MTUS2: variants seen among roughly 807,000 people sequenced by gnomAD.
MTUS2 encodes the protein microtubule associated scaffold protein 2, also known as microtubule-associated tumor suppressor candidate 2.
Under a neutral mutation model 114.1 loss-of-function variants are expected in MTUS2, and 40 were observed. The ratio of observed to expected loss-of-function variants is 0.35; its 90% CI spans 0.27 to 0.46. The LOEUF is 0.46. Among genes scored for constraint, MTUS2 ranks in the 20% least tolerant of loss-of-function variants. MTUS2 has a pLI of 1.00. For synonymous variants in MTUS2, 688 were observed against 672.0 expected (o/e 1.02, Z -0.37); for missense variants, 1,679 against 1,705.4 (o/e 0.98, Z 0.27).
intron 5 of MTUS2, among the ~76,000 whole-genome samples, chr13:29,154,316 A>G (rs1892774760): frequency 6.6e-6 from 1 of 152,210 alleles, no homozygotes; most frequent in Non-Finnish European, 1.5e-5. Context: ...CAGTTTTAAA[A>G]TGCTTTTCAA....
chr13:29,075,682 C>A (rs1430116829), intron 4 of MTUS2, among the ~76,000 whole-genome samples: 12 of 152,114 alleles, frequency 7.9e-5, no homozygotes, highest in Admixed American at 6.5e-5. Flanking sequence ...TCCTAGAATC[C>A]TATTGATTAC....
At chr13:29,497,392 G>A (rs376392233) in intron 13 of MTUS2, 56 bp downstream of exon 13, 97 of 1,473,384 alleles carry the variant, frequency 6.6e-5, no homozygotes, top group Admixed American at 2.7e-4. Context: ...CAGCAAGGCC[G>A]AGGGACTCCC....
chr13:28,875,440 C>T (rs1015518255), intron 2 of MTUS2, among the ~76,000 whole-genome samples: 6 of 152,092 alleles, frequency 3.9e-5, no homozygotes, highest in Non-Finnish European at 5.9e-5. Flanking sequence ...TTTTTTGTTT[C>T]GTTTTGTTTA....
At position 28,906,895 on chromosome 13, in the gene MTUS2, CAG is replaced by C. The variant is rs1357592253; in HGVS notation, c.-243+67049_-243+67050del. Among the ~76,000 whole-genome samples the C allele has an allele frequency of 2.0e-5, 3 of 151,388 alleles. No individual in the cohort carries two copies. In the East Asian group the frequency reaches 5.8e-4, roughly 29 times the overall value. ...GGCCAACATTCAGATTCAGGAAATA[CAG>C]AGAACGCCACAAAGATACTCCTCGA... On this transcript the variant is annotated intron_variant, in intron 2 of 15. Transcript: ENST00000612955.
At chr13:29,278,041 A>C (rs531673849) in intron 5 of MTUS2, among the ~76,000 whole-genome samples, 1 of 152,360 alleles carries the variant, frequency 6.6e-6, no homozygotes, top group East Asian at 1.9e-4. Flanking sequence ...GGCATATAAC[A>C]GCTGGCTTGG....
intron 6 of MTUS2, among the ~76,000 whole-genome samples, chr13:29,289,728 G>A (rs1445855513): frequency 1.3e-5 from 2 of 152,158 alleles, no homozygotes; most frequent in Non-Finnish European, 2.9e-5. Context: ...GCCTCCCAAA[G>A]TGCTGGGATT....
intron 5 of MTUS2, among the ~76,000 whole-genome samples, chr13:29,155,559 C>A (rs1026693080): frequency 3.3e-5 from 5 of 152,002 alleles, no homozygotes; most frequent in Non-Finnish European, 5.9e-5. Context: ...GAGGCAGGCT[C>A]AGGATGGATA....
At chr13:29,058,112 C>T (rs1322040769) in intron 4 of MTUS2, among the ~76,000 whole-genome samples, 1 of 151,948 alleles carries the variant, frequency 6.6e-6, no homozygotes, top group African/African-American at 2.4e-5. Context: ...TGAATATAGG[C>T]CCCCAGTCTC....
intron 8 of MTUS2, 46 bp downstream of exon 8, chr13:29,359,519 A>C (rs1870055537): frequency 5.5e-5 from 86 of 1,565,172 alleles, no homozygotes; most frequent in Non-Finnish European, 7.2e-5. Context: ...TGGTTGGAGG[A>C]GAGTGTGGTG....
At chr13:29,113,664 G>A (rs964642111) in intron 5 of MTUS2, among the ~76,000 whole-genome samples, 3 of 152,012 alleles carry the variant, frequency 2.0e-5, no homozygotes, top group Non-Finnish European at 2.9e-5. Flanking sequence ...CTGGATTATC[G>A]GTTTGGATTT....
chr13:28,902,163 T>C (rs907785896), intron 2 of MTUS2, among the ~76,000 whole-genome samples: 1 of 152,172 alleles, frequency 6.6e-6, no homozygotes, highest in African/African-American at 2.4e-5. Flanking sequence ...ATGATTGATA[T>C]TTACATGTTG....
intron 4 of MTUS2, among the ~76,000 whole-genome samples, chr13:29,086,854 C>T (rs1889714059): frequency 6.6e-6 from 1 of 151,960 alleles, no homozygotes; most frequent in Non-Finnish European, 1.5e-5. Flanking sequence ...AGCTGTATTC[C>T]TAGGTATTTT....
At position 29,440,044 on chromosome 13, in the gene MTUS2, A is replaced by T; in HGVS notation, c.3179A>T (p.Glu1060Val). 1 of 1,581,938 alleles carries T rather than the reference A, an allele frequency of 6.3e-7. No homozygotes were observed. Among genetic ancestry groups the T allele is most frequent in the South Asian group, 1.2e-5 (1 of 86,268 alleles). The change falls in exon 9 of 16, where the codon GAA becomes GTA. Residue 1060 changes from glutamate to valine, a missense_variant. Around this residue, in one of 3 missense-constraint regions of MTUS2, gnomAD observed 822 missense variants for 899.7 expected, o/e 0.91. Coordinates refer to ENST00000612955, the MANE Select transcript of MTUS2 (RefSeq NM_001033602.4). ...ATCGAACTTGCAAACATCAGGGATG[A>T]AGTTGGTAAGTAGGGCATTGACAAT... The part of the protein sequence containing the change: ...LSIELANIRD[E>V]VAFHTAKCEK...
In MTUS2 at chr13:29,418,363, G is replaced by T. The variant is rs1440450792; in HGVS notation, c.3118-21620G>T. ...CAAAGGGTTCTGAGTCTGTAAACTG[G>T]CCCAAGTCTGGGAATTAATTGAGTG... On this transcript the variant is annotated intron_variant, in intron 8 of 15. Transcript: ENST00000612955. 2.6e-5 allele frequency among the ~76,000 whole-genome samples: 4 copies of T among 152,036 alleles called. No individual in the cohort carries two copies. The East Asian group carries it at 7.7e-4, about 29-fold the overall frequency.
At chr13:28,978,171 A>G (rs1382522188) in intron 2 of MTUS2, among the ~76,000 whole-genome samples, 2 of 152,222 alleles carry the variant, frequency 1.3e-5, no homozygotes, top group Non-Finnish European at 2.9e-5. Context: ...CATTCATTAG[A>G]ATATATTAAG....
intron 2 of MTUS2, among the ~76,000 whole-genome samples, chr13:28,915,498 G>C (rs1396162547): frequency 6.6e-6 from 1 of 151,774 alleles, no homozygotes; most frequent in Non-Finnish European, 1.5e-5. Flanking sequence ...TTTTACCTGG[G>C]GTGAGGTAAT....
chr13:29,227,111 T>A (rs1263405555), intron 5 of MTUS2, among the ~76,000 whole-genome samples: 1 of 151,754 alleles, frequency 6.6e-6, no homozygotes, highest in Non-Finnish European at 1.5e-5. Context: ...TACAAAAAAT[T>A]AGCTGGGTGT....
chr13:29,139,694 A>G (rs1489400446), intron 5 of MTUS2, among the ~76,000 whole-genome samples: 1 of 152,140 alleles, frequency 6.6e-6, no homozygotes, highest in Admixed American at 6.6e-5. Flanking sequence ...ATTATAAGGA[A>G]ATGGCACTGT....
At chr13:29,080,515 T>C (rs968888878) in intron 4 of MTUS2, among the ~76,000 whole-genome samples, 3 of 152,200 alleles carry the variant, frequency 2.0e-5, no homozygotes, top group African/African-American at 7.2e-5. Context: ...AGGAAGCCAG[T>C]CCATATCTCA....
Sources: allele counts gnomAD v4.1 joint callset (sites outside exome capture counted in the v4.1 genomes callset), GRCh38; gene constraint gnomAD v4.1.1; regional missense constraint gnomAD v4.1.1; transcripts MANE v1.5; gene names NCBI Gene and HGNC (gene_info 2026-07-23, HGNC 2026-07-21).